DPH6: variants seen among roughly 807,000 people sequenced by gnomAD.
DPH6 encodes diphthamine biosynthesis 6.
In DPH6, 33 loss-of-function variants were observed where a neutral mutation model predicts 38.2. The observed-to-expected ratio is 0.86, with a 90% CI of 0.65 to 1.15. The LOEUF is 1.15. Among genes scored for constraint, DPH6 ranks in the 50% most tolerant of loss-of-function variants. The pLI, the probability that DPH6 is intolerant of heterozygous loss-of-function variation, is 0.00. For synonymous variants in DPH6, 108 were observed against 103.0 expected (o/e 1.05, Z -0.30); for missense variants, 325 against 320.0 (o/e 1.02, Z -0.12).
intron 3 of DPH6, among the ~76,000 whole-genome samples, chr15:35,498,386 T>G (rs1188173462): frequency 6.6e-6 from 1 of 152,176 alleles, no homozygotes; most frequent in Non-Finnish European, 1.5e-5. Flanking sequence ...TTTTAAAAAT[T>G]AAATCACTTC....
chr15:35,545,356 T>G (rs1188565168), intron 1 of DPH6, among the ~76,000 whole-genome samples: 1 of 152,256 alleles, frequency 6.6e-6, no homozygotes, highest in African/African-American at 2.4e-5. Context: ...TTTAGACACT[T>G]AAATTTATGA....
Position 35,335,211 on chromosome 15 carries a change from G to A in DPH6, n.208-4134C>T, listed in dbSNP as rs376627090. 2.6e-5 allele frequency among the ~76,000 whole-genome samples: 4 copies of A among 152,006 alleles called. No homozygotes were observed. In the East Asian group the frequency reaches 7.7e-4, roughly 29 times the overall value. The stretch of plus-strand genomic sequence containing the variant: ...CTGCATGTATGCCTTCTTTTGGTAT[G>A]GGTCTGTTCATGTCCTTTGCCCACT... On this transcript the variant is annotated intron_variant and non_coding_transcript_variant, in intron 3 of 3. Transcript: ENST00000558973.
At chr15:35,308,846 G>T (rs572165520) in intron 3 of DPH6, among the ~76,000 whole-genome samples, 3 of 152,318 alleles carry the variant, frequency 2.0e-5, no homozygotes, top group African/African-American at 7.2e-5. Flanking sequence ...TAGCAGATAA[G>T]GAAGTACTGC....
At chr15:35,303,109 AC>A (rs1364802949) in intron 3 of DPH6, among the ~76,000 whole-genome samples, 1 of 152,038 alleles carries the variant, frequency 6.6e-6, no homozygotes, top group East Asian at 1.9e-4. Flanking sequence ...TGTCTCTTAC[AC>A]AGCAGTTAGA....
At chr15:35,494,031 T>C (rs1292092491) in intron 3 of DPH6, among the ~76,000 whole-genome samples, 1 of 152,146 alleles carries the variant, frequency 6.6e-6, no homozygotes, top group East Asian at 1.9e-4. Flanking sequence ...ATTAGCTATG[T>C]GGCCTTTATC....
At chr15:35,212,513 C>T (rs372129704), downstream of DPH6, among the ~76,000 whole-genome samples, 21 of 152,048 alleles carry the variant, frequency 1.4e-4, no homozygotes, top group East Asian at 9.7e-4. Context: ...GGGGAAAGAT[C>T]GTTTAAAAAA....
Position 35,436,233 on chromosome 15 carries a change from A to G in DPH6, c.505+14452T>C, listed in dbSNP as rs541174824. 9.1e-4 allele frequency among the ~76,000 whole-genome samples: 139 copies of G among 151,914 alleles called. No homozygotes were observed. In the East Asian group the frequency reaches 1.0e-2, roughly 11 times the overall value. ...TGTAATCCCAGCACTTTGGGAGGCC[A>G]AGGCAGGCGGATCACGAGGTCAGGA... is the stretch of plus-strand genomic sequence containing the variant. On this transcript the variant is annotated intron_variant, in intron 5 of 8. Coordinates refer to ENST00000256538, the MANE Select transcript of DPH6 (RefSeq NM_080650.4).
At chr15:35,431,928 C>T (rs1260921994) in intron 5 of DPH6, among the ~76,000 whole-genome samples, 30 of 152,164 alleles carry the variant, frequency 2.0e-4, no homozygotes. Context: ...GCGGGGACTA[C>T]AGGCGCCGGC....
At chr15:35,466,460 T>C (rs1190233102) in intron 3 of DPH6, among the ~76,000 whole-genome samples, 1 of 152,194 alleles carries the variant, frequency 6.6e-6, no homozygotes, top group Non-Finnish European at 1.5e-5. Flanking sequence ...AGCTGTCCTT[T>C]GATTAGTTTG....
At chr15:35,233,031 G>C (rs952577232) in intron 3 of DPH6, among the ~76,000 whole-genome samples, 1 of 152,194 alleles carries the variant, frequency 6.6e-6, no homozygotes, top group Admixed American at 6.5e-5. Context: ...GAAGGGACTG[G>C]CCGTGGTGGC....
intron 3 of DPH6, among the ~76,000 whole-genome samples, chr15:35,495,586 T>C (rs1451447039): frequency 1.3e-5 from 2 of 151,886 alleles, no homozygotes; most frequent in Admixed American, 6.6e-5. Flanking sequence ...ACAAAGGAAA[T>C]AAAGAAGGCC....
chr15:35,353,595 T>C lies in DPH6; in HGVS notation n.207+19926A>G, dbSNP rs191217822. On this transcript the variant is annotated intron_variant and non_coding_transcript_variant, in intron 3 of 3. Transcript: ENST00000558973. Reference sequence around the variant, plus strand: ...GTCAAAGATCAGATAGTTGTAGATATGTGGCGTTATTTCTGAGGGATCTGT... The same window carrying C: ...GTCAAAGATCAGATAGTTGTAGATACGTGGCGTTATTTCTGAGGGATCTGT... Among the ~76,000 whole-genome samples the C allele has an allele frequency of 9.8e-5, 15 of 152,346 alleles. No homozygotes were observed. In the East Asian group the frequency reaches 2.3e-3, roughly 24 times the overall value.
At chr15:35,176,272 CATAAA>C in the DPH6 span, among the ~76,000 whole-genome samples, 1 of 152,268 alleles carries the variant, frequency 6.6e-6, no homozygotes, top group Non-Finnish European at 1.5e-5. Context: ...TTTAGGTACT[CATAAA>C]ATAACTATCT....
intron 3 of DPH6, among the ~76,000 whole-genome samples, chr15:35,251,933 G>T (rs1228355778): frequency 6.6e-6 from 1 of 152,150 alleles, no homozygotes; most frequent in Admixed American, 6.5e-5. Flanking sequence ...GAGGTCAGGG[G>T]TTCAAGACCA....
In DPH6 at chr15:35,381,744, T is replaced by A. The variant is rs1416829336; in HGVS notation, c.662+78A>T. ...ATGTTCTATTTTTCCCAACAAAAGT[T>A]GCCTCAAGCTTAATGTTCAGTTGCT... is the stretch of plus-strand genomic sequence containing the variant. On this transcript the variant is annotated intron_variant, in intron 7 of 8. Coordinates refer to ENST00000256538, the MANE Select transcript of DPH6 (RefSeq NM_080650.4). 4 of 1,118,866 alleles carry A rather than the reference T, an allele frequency of 3.6e-6. No homozygotes were observed. The South Asian group carries it at 5.2e-5, about 15-fold the overall frequency. The allele number at this position is 1,118,866 out of a possible 1,614,324, so 69.3% of individuals were successfully genotyped here. A position where few individuals can be genotyped will look rare whatever the true frequency, so the allele number is the denominator to read the frequency against.
chr15:35,177,464 T>C, the DPH6 span, among the ~76,000 whole-genome samples: 3 of 151,054 alleles, frequency 2.0e-5, no homozygotes, highest in Admixed American at 2.0e-4. Flanking sequence ...TGTCCACTTG[T>C]AGTCCCAGCT....
intron 1 of DPH6, 87 bp from the exon 2 acceptor site, chr15:35,542,594 C>A: frequency 8.2e-7 from 1 of 1,226,552 alleles, no homozygotes; most frequent in Non-Finnish European, 1.2e-6. Context: ...CAGAACATAT[C>A]ATTTACTTGA....
rs532007930 is a variant in DPH6 at position 35,352,568 on chromosome 15, A to T, written n.207+20953T>A. Among the ~76,000 whole-genome samples the T allele has an allele frequency of 5.9e-5, 9 of 152,272 alleles. No individual in the cohort carries two copies. In the East Asian group the frequency reaches 1.7e-3, roughly 29 times the overall value. On this transcript the variant is annotated intron_variant and non_coding_transcript_variant, in intron 3 of 3. Coordinates refer to the DPH6 transcript ENST00000558973. ...TCCTTGCGATAGTTTGCTGAGAATG[A>T]TGGTTTCCAGCTTCATCCGTGTCCC...
At chr15:35,190,974 G>C in the DPH6 span, among the ~76,000 whole-genome samples, 1 of 152,160 alleles carries the variant, frequency 6.6e-6, no homozygotes, top group South Asian at 2.1e-4. Context: ...GAAAGGTTTT[G>C]ATTCTGAGGT....
Sources: allele counts gnomAD v4.1 joint callset (sites outside exome capture counted in the v4.1 genomes callset), GRCh38; gene constraint gnomAD v4.1.1; transcripts MANE v1.5; gene names NCBI Gene and HGNC (gene_info 2026-07-23, HGNC 2026-07-21).